The following ARHGEF10L variants were observed in gnomAD, a reference collection of about 807,000 sequenced individuals.
The protein encoded by ARHGEF10L is Rho guanine nucleotide exchange factor 10 like, also known as rho guanine nucleotide exchange factor 10-like protein.
A neutral mutation model predicts 141.2 loss-of-function variants in ARHGEF10L; 69 were observed. That is an observed-to-expected ratio of 0.49 (90% CI 0.40 to 0.60). The LOEUF (loss-of-function observed/expected upper bound fraction) is 0.60. ARHGEF10L is among the 20% of genes least tolerant of loss of function. The probability of loss-of-function intolerance (pLI) is 0.00; values close to 1 mark genes in which losing one functional copy is unlikely to be tolerated. For synonymous variants in ARHGEF10L, 711 were observed against 718.5 expected (o/e 0.99, Z 0.17); for missense variants, 1,482 against 1,734.3 (o/e 0.85, Z 2.58).
In ARHGEF10L at chr1:17,607,736, T is replaced by C; in HGVS notation, c.434-66T>C. On this transcript the variant is annotated intron_variant, in intron 6 of 28. Coordinates refer to ENST00000361221, the MANE Select transcript of ARHGEF10L (RefSeq NM_018125.4). The surrounding 1 kb of genome is among the most constrained non-coding windows in gnomAD (Gnocchi z 4.5). ...CCCACCTGGGTTCAGAAATTGGGTCTGAGGCTGGAAGTCTGGTAGGCTTGG... is the reference window on the plus strand; with the variant it reads ...CCCACCTGGGTTCAGAAATTGGGTCCGAGGCTGGAAGTCTGGTAGGCTTGG... 1 of 1,409,542 alleles carries C rather than the reference T, an allele frequency of 7.1e-7. No homozygotes were observed. Among genetic ancestry groups the C allele is most frequent in the South Asian group, 1.6e-5 (1 of 63,326 alleles). The allele number at this position is 1,409,542 out of a possible 1,614,324, so 87.3% of individuals were successfully genotyped here.
chr1:17,682,427 G>T (rs796576599), intron 26 of ARHGEF10L, among the ~76,000 whole-genome samples: 1 of 152,298 alleles, frequency 6.6e-6, no homozygotes, highest in African/African-American at 2.4e-5. Context: ...AGCCTGCCAA[G>T]GAAGTTGAGG....
At chr1:17,668,245 C>G (rs1255349846) in intron 26 of ARHGEF10L, among the ~76,000 whole-genome samples, 2 of 152,226 alleles carry the variant, frequency 1.3e-5, no homozygotes, top group South Asian at 2.1e-4. Flanking sequence ...CTCCCGGGGT[C>G]GGTGTTGTCA....
chr1:17,669,625 G>A (rs1396972540), intron 26 of ARHGEF10L, among the ~76,000 whole-genome samples: 1 of 152,100 alleles, frequency 6.6e-6, no homozygotes, highest in Non-Finnish European at 1.5e-5. Flanking sequence ...GGGTGCCTGG[G>A]CCCCCCAAAG....
intron 1 of ARHGEF10L, among the ~76,000 whole-genome samples, chr1:17,548,715 C>T (rs879703943): frequency 8.0e-6 from 1 of 124,842 alleles, no homozygotes; most frequent in Non-Finnish European, 1.6e-5. Context: ...GTGCAATGGT[C>T]TTGGCTCACT....
chr1:17,674,770 T>A (rs1255602625), intron 26 of ARHGEF10L, among the ~76,000 whole-genome samples: 1 of 152,202 alleles, frequency 6.6e-6, no homozygotes, highest in East Asian at 1.9e-4. Context: ...GTACCTTTTC[T>A]ATGTTTAGAT....
intron 1 of ARHGEF10L, among the ~76,000 whole-genome samples, chr1:17,540,522 G>T (rs1192182577): frequency 6.6e-6 from 1 of 152,162 alleles, no homozygotes; most frequent in Admixed American, 6.5e-5. Context: ...CTGGAACAGG[G>T]ATATATGTCA....
chr1:17,685,442 C>A (rs1467826755), intron 26 of ARHGEF10L, among the ~76,000 whole-genome samples: 1 of 152,226 alleles, frequency 6.6e-6, no homozygotes, highest in South Asian at 2.1e-4. Flanking sequence ...TGCTCTTCCC[C>A]CTCCTCCCAA....
chr1:17,546,218 A>C lies in ARHGEF10L; in HGVS notation c.-44+6268A>C, dbSNP rs1044814905. ...AGCTTGCTGGTCTTCCAGCCCCTGC[A>C]TCTGTGGCTGGTGGATTCTCAAAAA... On this transcript the variant is annotated intron_variant, in intron 1 of 28. Transcript: ENST00000361221. Among the ~76,000 whole-genome samples the C allele has an allele frequency of 2.6e-5, 4 of 152,282 alleles. No individual in the cohort carries two copies. In the South Asian group the frequency reaches 8.3e-4, roughly 32 times the overall value.
chr1:17,521,693 T>G, the ARHGEF10L span, among the ~76,000 whole-genome samples: 4 of 152,206 alleles, frequency 2.6e-5, no homozygotes, highest in African/African-American at 9.6e-5. Flanking sequence ...TTACTGAAGA[T>G]TTCACAGCTT....
chr1:17,534,671 C>T, the ARHGEF10L span, among the ~76,000 whole-genome samples: 3 of 150,280 alleles, frequency 2.0e-5, no homozygotes, highest in African/African-American at 7.4e-5. Context: ...CTCACTGCAA[C>T]CTCTGCCTCC....
At chr1:17,632,563 C>T in intron 16 of ARHGEF10L, 97 bp downstream of exon 16, 3 of 1,511,794 alleles carry the variant, frequency 2.0e-6, no homozygotes, top group Non-Finnish European at 1.8e-6. Context: ...CAGTGGGACC[C>T]CATGTGAGCT....
chr1:17,604,001 A>G (rs1297268378), intron 6 of ARHGEF10L, among the ~76,000 whole-genome samples: 2 of 152,146 alleles, frequency 1.3e-5, no homozygotes, highest in Non-Finnish European at 2.9e-5. Context: ...TGAGGTGGGC[A>G]GGCAGGCAGG....
chr1:17,589,166 C>G (rs903848794), intron 4 of ARHGEF10L, among the ~76,000 whole-genome samples: 1 of 152,116 alleles, frequency 6.6e-6, no homozygotes, highest in Non-Finnish European at 1.5e-5. Flanking sequence ...TTGGTTTTCT[C>G]ATCTGTAAAA....
chr1:17,589,374 C>A (rs962341829), intron 4 of ARHGEF10L, among the ~76,000 whole-genome samples: 4 of 152,138 alleles, frequency 2.6e-5, no homozygotes, highest in Non-Finnish European at 4.4e-5. Context: ...GGGGTCTAGG[C>A]TCCAAATGAA....
rs143945991 is a variant in ARHGEF10L, at chr1:17,651,002, G to A, written c.2394+2327G>A. Among the ~76,000 whole-genome samples the A allele has an allele frequency of 7.2e-3, 1,099 of 152,306 alleles. 12 individuals carry two copies. Among genetic ancestry groups the A allele is most frequent in the African/African-American group, 0.026 (1,064 of 41,560 alleles). On this transcript the variant is annotated intron_variant, in intron 22 of 28. Coordinates refer to ENST00000361221, the MANE Select transcript of ARHGEF10L (RefSeq NM_018125.4). ...CTCTTTTTGTCTCTTGATACATAAA[G>A]GGCCAGGATTAGGGTGAGGCAAGTG...
At chr1:17,653,441 A>G (rs2062047679) in intron 22 of ARHGEF10L, among the ~76,000 whole-genome samples, 1 of 152,172 alleles carries the variant, frequency 6.6e-6, no homozygotes, top group Non-Finnish European at 1.5e-5. Flanking sequence ...ATCAGGGCCC[A>G]CTGGAGTTGC....
rs903342087 is a variant in ARHGEF10L at position 17,615,446 on chromosome 1, C to T, written c.727-648C>T. ...TGCCAGAGGAAGCTGCCTCTTCTTT[C>T]TGGCAACTTCAGCCTTTTCTCCTTT... On this transcript the variant is annotated intron_variant, in intron 8 of 28. Coordinates refer to ENST00000361221, the MANE Select transcript of ARHGEF10L (RefSeq NM_018125.4). The surrounding 1 kb of genome is among the most constrained non-coding windows in gnomAD (Gnocchi z 4.7). 1 of 152,288 alleles carries T rather than the reference C, an allele frequency of 6.6e-6. No individual in the cohort carries two copies. The highest frequency in any genetic ancestry group is 1.5e-5 in the Non-Finnish European group (1 of 68,084). 9.4% of individuals were successfully genotyped at this position (152,288 alleles called of 1,614,324 possible). A position where few individuals can be genotyped will look rare whatever the true frequency, so the allele number is the denominator to read the frequency against.
In ARHGEF10L at chr1:17,623,022, G is replaced by A. The variant is rs1471349652; in HGVS notation, c.1047G>A (p.Met349Ile). The A allele has an allele frequency of 6.2e-7, 1 of 1,613,760 alleles. No individual in the cohort carries two copies. Among genetic ancestry groups the A allele is most frequent in the Admixed American group, 1.7e-5 (1 of 60,018 alleles). The change falls in exon 12 of 29, where the codon ATG becomes ATA. Residue 349 changes from methionine to isoleucine, a missense_variant. Physicochemically the swap from Met to Ile is conservative, Grantham distance 10. Coordinates refer to ENST00000361221, the MANE Select transcript of ARHGEF10L (RefSeq NM_018125.4). This position sits in a 1 kb window ranked among gnomAD's most constrained non-coding sequence, Gnocchi z 4.7. ...LQDYRNPLME[M>I]EPKALSARKC... ...ACTACCGCAACCCCCTGATGGAGAT[G>A]GAGCCCAAGGCGCTGAGCGCCCGCA...
intron 2 of ARHGEF10L, among the ~76,000 whole-genome samples, chr1:17,581,524 C>T (rs777181251): frequency 6.6e-6 from 1 of 152,088 alleles, no homozygotes; most frequent in Non-Finnish European, 1.5e-5. Flanking sequence ...GCTTCCTGTC[C>T]TCTTGTATCA....
Sources: gnomAD v4.1 joint callset for allele counts (sites outside exome capture counted in the v4.1 genomes callset) on GRCh38, gnomAD v4.1.1 for gene constraint, Gnocchi (gnomAD v3.1) non-coding constraint, MANE v1.5 for transcripts, NCBI Gene and HGNC (gene_info 2026-07-23, HGNC 2026-07-21) for gene names.